Variants in ZC4H2 observed in about 807,000 individuals in gnomAD.
The protein encoded by ZC4H2 is zinc finger C4H2 domain-containing protein.
For synonymous variants in ZC4H2, 84 were observed against 66.3 expected (o/e 1.27, Z -1.30); for missense variants, 137 against 173.9 (o/e 0.79, Z 1.19).
chrX:64,983,294 T>C, intron 1 of ZC4H2, among the ~76,000 whole-genome samples: 1 of 112,368 alleles, frequency 8.9e-6, no homozygotes, highest in East Asian at 2.8e-4. Flanking sequence ...TATACGGAAC[T>C]GGCTAAAACA....
chrX:64,951,522 G>C (rs1381529559), intron 1 of ZC4H2, among the ~76,000 whole-genome samples: 1 of 112,023 alleles, frequency 8.9e-6, no homozygotes, highest in African/African-American at 3.3e-5. Context: ...ATCTCAATTT[G>C]GTTTTGATTT....
chrX:64,974,793 C>T (rs1230142174), intron 1 of ZC4H2, among the ~76,000 whole-genome samples: 3 of 109,099 alleles, frequency 2.7e-5, no homozygotes, highest in Admixed American at 9.8e-5. Context: ...GATTAAAGTC[C>T]TTGCTCACAA....
intron 1 of ZC4H2, among the ~76,000 whole-genome samples, chrX:64,994,519 C>A (rs1311403974): frequency 8.9e-6 from 1 of 112,226 alleles, no homozygotes; most frequent in Non-Finnish European, 1.9e-5. Flanking sequence ...GTTTCAGGAA[C>A]CCTGCACTCT....
At chrX:65,013,977 T>A (rs1932780949) in intron 1 of ZC4H2, among the ~76,000 whole-genome samples, 1 of 110,865 alleles carries the variant, frequency 9.0e-6, no homozygotes, top group African/African-American at 3.3e-5. Flanking sequence ...CTCACAGCTG[T>A]CTGCTTGTGT....
intron 2 of ZC4H2, among the ~76,000 whole-genome samples, chrX:64,920,458 C>A (rs775087419): frequency 6.3e-5 from 7 of 111,955 alleles, no homozygotes; most frequent in African/African-American, 2.3e-4. Flanking sequence ...TTAACTCATG[C>A]AATCTTGGTG....
chrX:64,953,502 G>C (rs1450476544), intron 1 of ZC4H2, among the ~76,000 whole-genome samples: 2 of 111,963 alleles, frequency 1.8e-5, no homozygotes, highest in Non-Finnish European at 3.8e-5. Flanking sequence ...CCTTCAACAA[G>C]TGGGTGAAGG....
intron 1 of ZC4H2, among the ~76,000 whole-genome samples, chrX:65,022,081 G>A (rs759341972): frequency 3.7e-4 from 41 of 111,615 alleles, no homozygotes; most frequent in Non-Finnish European, 6.8e-4. Flanking sequence ...ATTCACAGCC[G>A]AATTCTACCA....
intron 1 of ZC4H2, among the ~76,000 whole-genome samples, chrX:64,943,449 T>C (rs1426301561): frequency 9.0e-6 from 1 of 111,578 alleles, no homozygotes; most frequent in Non-Finnish European, 1.9e-5. Flanking sequence ...TTTCCCATGA[T>C]TATTGTGTGG....
At chrX:64,953,307 C>T (rs1046943562) in intron 1 of ZC4H2, among the ~76,000 whole-genome samples, 2 of 111,875 alleles carry the variant, frequency 1.8e-5, no homozygotes, top group Admixed American at 9.5e-5. Flanking sequence ...CAACAAAAGC[C>T]GAAATTGACA....
chrX:65,030,846 C>A (rs1266497976), intron 1 of ZC4H2, among the ~76,000 whole-genome samples: 15 of 111,406 alleles, frequency 1.3e-4, no homozygotes, highest in Non-Finnish European at 1.9e-5. Flanking sequence ...TATCTTATTA[C>A]CCTGGTCTGC....
chrX:65,002,365 C>T (rs922735226), intron 1 of ZC4H2, among the ~76,000 whole-genome samples: 6 of 107,613 alleles, frequency 5.6e-5, no homozygotes, highest in Admixed American at 1.9e-4. Context: ...GGTCAGCCCC[C>T]GCCCGGCCAG....
At chrX:64,921,020 C>A (rs1283011003) in intron 2 of ZC4H2, among the ~76,000 whole-genome samples, 1 of 112,235 alleles carries the variant, frequency 8.9e-6, no homozygotes, top group Admixed American at 9.4e-5. Flanking sequence ...ATCTAGAATT[C>A]TGCGATCTCT....
intron 1 of ZC4H2, among the ~76,000 whole-genome samples, chrX:64,995,914 G>A (rs1932404582): frequency 8.9e-6 from 1 of 112,292 alleles, no homozygotes; most frequent in Admixed American, 9.4e-5. Context: ...AGATGCTTGA[G>A]GCAAAAGATT....
chrX:64,984,819 T>C (rs1166773400), intron 1 of ZC4H2, among the ~76,000 whole-genome samples: 2 of 112,311 alleles, frequency 1.8e-5, no homozygotes, highest in African/African-American at 6.5e-5. Flanking sequence ...AACTACAAAC[T>C]AAATTCCTCC....
chrX:64,922,123 AAAG>A (rs1929224622), intron 1 of ZC4H2, 135 bp from the exon 2 acceptor site: 1 of 1,092,163 alleles, frequency 9.2e-7, no homozygotes, highest in Non-Finnish European at 1.2e-6. Flanking sequence ...CCATCTCAAA[AAAG>A]AAGGCCAGGT....
At chrX:64,985,621 C>T (rs191501891) in intron 1 of ZC4H2, among the ~76,000 whole-genome samples, 18 of 111,141 alleles carry the variant, frequency 1.6e-4, no homozygotes, top group African/African-American at 2.0e-4. Flanking sequence ...ATACAATGTG[C>T]GCTGTGTTAT....
intron 1 of ZC4H2, among the ~76,000 whole-genome samples, chrX:64,933,644 C>G (rs1465225468): frequency 9.0e-6 from 1 of 110,677 alleles, no homozygotes; most frequent in African/African-American, 3.3e-5. Flanking sequence ...TATAGAGAAT[C>G]TTTTCCAACT....
At chrX:65,026,657 C>T (rs1396201742) in intron 1 of ZC4H2, among the ~76,000 whole-genome samples, 1 of 109,520 alleles carries the variant, frequency 9.1e-6, no homozygotes, top group Non-Finnish European at 1.9e-5. Flanking sequence ...TGCAGTGAGC[C>T]GAGATCGCAC....
chrX:64,950,662 G>C (rs966596798), intron 1 of ZC4H2, among the ~76,000 whole-genome samples: 6 of 110,630 alleles, frequency 5.4e-5, no homozygotes, highest in Admixed American at 1.9e-4. Context: ...CAGAGACTAG[G>C]ATTGCAATCC....
Sources: allele counts gnomAD v4.1 joint callset (sites outside exome capture counted in the v4.1 genomes callset), GRCh38; gene constraint gnomAD v4.1.1; transcripts MANE v1.5; gene names NCBI Gene and HGNC (gene_info 2026-07-23, HGNC 2026-07-21).